HMBOX1: variants seen among roughly 807,000 people sequenced by gnomAD.
HMBOX1 encodes homeobox-containing protein 1.
In HMBOX1, 14 loss-of-function variants were observed where a neutral mutation model predicts 54.5. The observed-to-expected ratio is 0.26, with a 90% CI of 0.17 to 0.40. The LOEUF (loss-of-function observed/expected upper bound fraction) is 0.40. Ranked by LOEUF, HMBOX1 falls within the 10% of genes least tolerant of loss-of-function variation. The pLI is 1.00. For synonymous variants in HMBOX1, 160 were observed against 181.0 expected, an observed-to-expected ratio of 0.88 and a Z score of 0.93; for missense variants, 332 against 514.4, an observed-to-expected ratio of 0.65 and a Z score of 3.43.
At chr8:28,987,562 A>G (rs532690186) in intron 4 of HMBOX1, among the ~76,000 whole-genome samples, 2 of 152,294 alleles carry the variant, frequency 1.3e-5, no homozygotes, top group Admixed American at 1.3e-4. Flanking sequence ...AATAAATGCC[A>G]TTGCTTGTAA....
chr8:28,954,594 A>T (rs927721453), intron 1 of HMBOX1, among the ~76,000 whole-genome samples: 1 of 152,214 alleles, frequency 6.6e-6, no homozygotes, highest in Non-Finnish European at 1.5e-5. Context: ...CACCACTAAC[A>T]TATTGGATTC....
At chr8:28,945,193 T>G (rs1822206624) in intron 1 of HMBOX1, among the ~76,000 whole-genome samples, 1 of 152,232 alleles carries the variant, frequency 6.6e-6, no homozygotes, top group Non-Finnish European at 1.5e-5. Flanking sequence ...CATTTCTAGG[T>G]GCCTACTTTA....
intron 1 of HMBOX1, among the ~76,000 whole-genome samples, chr8:28,922,037 T>G (rs1817644715): frequency 6.6e-6 from 1 of 152,202 alleles, no homozygotes; most frequent in African/African-American, 2.4e-5. Context: ...AGGCCAAACT[T>G]AAATTTTGCC....
At chr8:29,039,480 T>C (rs1030535511) in intron 6 of HMBOX1, among the ~76,000 whole-genome samples, 3 of 152,206 alleles carry the variant, frequency 2.0e-5, no homozygotes, top group Non-Finnish European at 4.4e-5. Flanking sequence ...TCTCCTGAGA[T>C]AGTCTGGGTT....
chr8:29,048,428 C>T (rs1481052725), intron 8 of HMBOX1: 2 of 152,154 alleles, frequency 1.3e-5, no homozygotes, highest in African/African-American at 2.4e-5. Context: ...CCATTCAAAA[C>T]TGTAACAGTA....
intron 1 of HMBOX1, among the ~76,000 whole-genome samples, chr8:28,900,269 A>T (rs184534096): frequency 0.14 from 9,486 of 67,800 alleles, 612 homozygotes; most frequent in Middle Eastern, 0.31. Context: ...AAAAAAAAAA[A>T]AAATATATAT....
chr8:28,931,233 T>C (rs577232140), intron 1 of HMBOX1, among the ~76,000 whole-genome samples: 2 of 152,292 alleles, frequency 1.3e-5, no homozygotes, highest in African/African-American at 4.8e-5. Flanking sequence ...AAATAACAAG[T>C]GTAGAAAGTT....
chr8:28,991,436 G>A (rs925068871), intron 4 of HMBOX1, among the ~76,000 whole-genome samples: 5 of 152,096 alleles, frequency 3.3e-5, no homozygotes, highest in African/African-American at 1.2e-4. Context: ...AGATTTTGCC[G>A]CCTGTAGTAG....
intron 6 of HMBOX1, among the ~76,000 whole-genome samples, chr8:29,032,471 AT>A (rs994062509): frequency 9.2e-5 from 14 of 151,600 alleles, no homozygotes; most frequent in East Asian, 5.8e-4. Flanking sequence ...CTTTTGATCA[AT>A]TTTTTTTTCC....
chr8:29,031,479 GAAAT>G (rs933415229), intron 6 of HMBOX1, among the ~76,000 whole-genome samples: 3 of 151,112 alleles, frequency 2.0e-5, no homozygotes, highest in Non-Finnish European at 2.9e-5. Context: ...AATATTGAGA[GAAAT>G]AAATAATTTA....
intron 1 of HMBOX1, among the ~76,000 whole-genome samples, chr8:28,899,351 GTCCC>G (rs1812767304): frequency 6.6e-6 from 1 of 152,098 alleles, no homozygotes; most frequent in African/African-American, 2.4e-5. Flanking sequence ...ACATTCTTTT[GTCCC>G]ATCATTAAGA....
At chr8:28,973,883 T>C (rs886218283) in intron 3 of HMBOX1, among the ~76,000 whole-genome samples, 10 of 138,904 alleles carry the variant, frequency 7.2e-5, no homozygotes, top group African/African-American at 2.7e-4. Flanking sequence ...GGTGCAATCT[T>C]GGCTCACTGC....
intron 1 of HMBOX1, among the ~76,000 whole-genome samples, chr8:28,939,813 G>T (rs1039095959): frequency 1.3e-5 from 2 of 151,966 alleles, no homozygotes; most frequent in African/African-American, 2.4e-5. Flanking sequence ...CCCGGCCGAG[G>T]AACTTGTTAA....
chr8:29,002,499 C>G (rs1420175243), intron 4 of HMBOX1, among the ~76,000 whole-genome samples: 1 of 152,014 alleles, frequency 6.6e-6, no homozygotes, highest in East Asian at 1.9e-4. Context: ...GTTGGAGGTC[C>G]CTTTGGAGGT....
chr8:28,904,565 A>G (rs1156856178), intron 1 of HMBOX1, among the ~76,000 whole-genome samples: 1 of 151,974 alleles, frequency 6.6e-6, no homozygotes, highest in Non-Finnish European at 1.5e-5. Context: ...AGTCTCACCT[A>G]TACTCAATTC....
chr8:29,022,725 T>C (rs1430524014), intron 6 of HMBOX1, among the ~76,000 whole-genome samples: 1 of 152,064 alleles, frequency 6.6e-6, no homozygotes, highest in Non-Finnish European at 1.5e-5. Context: ...TATTTTAAAA[T>C]GGAGGAATAA....
chr8:29,050,799 G>A lies in HMBOX1; in HGVS notation c.1126-219G>A, dbSNP rs1806335989. 8 of 518,686 alleles carry A rather than the reference G, an allele frequency of 1.5e-5. No homozygotes were observed. The East Asian group carries it at 1.6e-4, about 10-fold the overall frequency. 32.1% of individuals were successfully genotyped at this position (518,686 alleles called of 1,614,324 possible). A position where few individuals can be genotyped will look rare whatever the true frequency, so the allele number is the denominator to read the frequency against. On this transcript the variant is annotated intron_variant, in intron 9 of 9. Transcript: ENST00000287701. ...TTCTCAGTGATGAAAAACATTTTTTGTGCTTTTTACTTGTTGAATCATAAG... is the reference window on the plus strand; with the variant it reads ...TTCTCAGTGATGAAAAACATTTTTTATGCTTTTTACTTGTTGAATCATAAG...
chr8:29,028,248 G>A (rs927943778), intron 6 of HMBOX1, among the ~76,000 whole-genome samples: 7 of 151,988 alleles, frequency 4.6e-5, no homozygotes, highest in Non-Finnish European at 7.4e-5. Context: ...ATACTATAAC[G>A]AACCAAAATT....
intron 1 of HMBOX1, among the ~76,000 whole-genome samples, chr8:28,899,084 A>G (rs893073844): frequency 3.9e-5 from 6 of 152,234 alleles, no homozygotes; most frequent in Non-Finnish European, 5.9e-5. Flanking sequence ...AAAGACTCCT[A>G]TAATTTAAGA....
Sources: allele counts gnomAD v4.1 joint callset (sites outside exome capture counted in the v4.1 genomes callset), GRCh38; gene constraint gnomAD v4.1.1; transcripts MANE v1.5; gene names NCBI Gene and HGNC (gene_info 2026-07-23, HGNC 2026-07-21).